Variants in PRKN observed in about 807,000 individuals in gnomAD.
PRKN encodes E3 ubiquitin-protein ligase parkin.
PRKN carries 56 observed loss-of-function variants against 59.5 expected under a neutral mutation model. The observed-to-expected ratio is 0.94, with a 90% CI of 0.76 to 1.18. The LOEUF is 1.18. Ranked by LOEUF, PRKN falls within the 50% of genes most tolerant of loss-of-function variation. The pLI is 0.00. For missense variants in PRKN, 657 were observed against 596.4 expected (o/e 1.10, Z -1.06); for synonymous variants, 250 against 222.1 (o/e 1.13, Z -1.12).
intron 6 of PRKN, among the ~76,000 whole-genome samples, chr6:161,870,053 T>C (rs895272564): frequency 2.0e-5 from 3 of 152,208 alleles, no homozygotes; most frequent in Non-Finnish European, 2.9e-5. Flanking sequence ...CAATCATCTA[T>C]GTATTGAGGG....
intron 9 of PRKN, among the ~76,000 whole-genome samples, chr6:161,418,189 A>G (rs1787937606): frequency 6.6e-6 from 1 of 152,258 alleles, no homozygotes; most frequent in African/African-American, 2.4e-5. Flanking sequence ...AAGTATTAAT[A>G]TGTAATGAGT....
chr6:162,401,362 T>C (rs1787786611), intron 2 of PRKN, among the ~76,000 whole-genome samples: 1 of 152,094 alleles, frequency 6.6e-6, no homozygotes, highest in South Asian at 2.1e-4. Flanking sequence ...CATAAATTCA[T>C]TGTAAGTTGA....
At chr6:162,543,523 A>T (rs1023410687) in intron 1 of PRKN, among the ~76,000 whole-genome samples, 2 of 152,008 alleles carry the variant, frequency 1.3e-5, no homozygotes, top group Admixed American at 6.6e-5. Context: ...CTAAATTTGT[A>T]TAAGTGTGTT....
At chr6:162,531,604 G>A (rs1222484585) in intron 1 of PRKN, among the ~76,000 whole-genome samples, 1 of 151,970 alleles carries the variant, frequency 6.6e-6, no homozygotes, top group Non-Finnish European at 1.5e-5. Context: ...ATCCATCTGG[G>A]TGGGGCCAGC....
intron 2 of PRKN, among the ~76,000 whole-genome samples, chr6:162,390,965 A>G (rs949954844): frequency 1.3e-5 from 2 of 152,190 alleles, no homozygotes; most frequent in African/African-American, 4.8e-5. Context: ...GATAAGGACC[A>G]CAGGCACCTT....
At chr6:161,912,927 A>C (rs1778420293) in intron 6 of PRKN, among the ~76,000 whole-genome samples, 3 of 152,176 alleles carry the variant, frequency 2.0e-5, no homozygotes. Flanking sequence ...CTATAATCCC[A>C]GCAGTTTGGG....
intron 2 of PRKN, among the ~76,000 whole-genome samples, chr6:162,267,006 C>T (rs1780172509): frequency 6.6e-6 from 1 of 152,154 alleles, no homozygotes. Context: ...ATTCCTATAT[C>T]ACCATATAGC....
At chr6:161,585,035 G>T (rs566543585) in intron 7 of PRKN, among the ~76,000 whole-genome samples, 21 of 152,284 alleles carry the variant, frequency 1.4e-4, no homozygotes, top group African/African-American at 3.8e-4. Flanking sequence ...GAACACTTCA[G>T]AATCTGGTTC....
Position 161,347,572 on chromosome 6 carries a change from T to G in PRKN, c.*2527A>C. ...TACACCCTTCCTGTGCAAATAATAC[T>G]GTGATTCATGTTCATGTGTAGTGGA... On this transcript the variant is annotated 3_prime_UTR_variant, in exon 12 of 12. Coordinates refer to ENST00000366898, the MANE Select transcript of PRKN (RefSeq NM_004562.3). The G allele has an allele frequency of 6.6e-6, 1 of 152,046 alleles. No individual in the cohort carries two copies. Among genetic ancestry groups the G allele is most frequent in the South Asian group, 2.1e-4 (1 of 4,814 alleles). 9.4% of individuals were successfully genotyped at this position (152,046 alleles called of 1,614,324 possible). A position where few individuals can be genotyped will look rare whatever the true frequency, so the allele number is the denominator to read the frequency against.
intron 7 of PRKN, among the ~76,000 whole-genome samples, chr6:161,710,434 T>C (rs1419336673): frequency 1.3e-5 from 2 of 152,230 alleles, no homozygotes; most frequent in Non-Finnish European, 2.9e-5. Context: ...GACACCATCA[T>C]AAGTCAAGGA....
intron 1 of PRKN, among the ~76,000 whole-genome samples, chr6:162,451,977 G>A (rs1790649247): frequency 6.6e-6 from 1 of 152,070 alleles, no homozygotes; most frequent in African/African-American, 2.4e-5. Flanking sequence ...CAAGGAACAA[G>A]CTTTGAAAAC....
At chr6:161,713,602 C>T (rs1189012917) in intron 7 of PRKN, among the ~76,000 whole-genome samples, 1 of 152,194 alleles carries the variant, frequency 6.6e-6, no homozygotes, top group East Asian at 1.9e-4. Context: ...GTTCCTATTA[C>T]ACCACAGCTC....
intron 6 of PRKN, among the ~76,000 whole-genome samples, chr6:161,879,306 A>AGGGACAT (rs959320936): frequency 2.0e-5 from 3 of 150,330 alleles, no homozygotes; most frequent in Non-Finnish European, 2.9e-5. Context: ...TGGCCAGGAC[A>AGGGACAT]GGGACATTCT....
At chr6:162,156,396 A>G (rs1782516075) in intron 4 of PRKN, among the ~76,000 whole-genome samples, 3 of 152,196 alleles carry the variant, frequency 2.0e-5, no homozygotes, top group Admixed American at 2.0e-4. Context: ...CAAGGAAGTC[A>G]GTCTGACTCC....
intron 2 of PRKN, chr6:162,270,028 C>T (rs1450549389): frequency 6.6e-6 from 1 of 152,080 alleles, no homozygotes; most frequent in African/African-American, 2.4e-5. Flanking sequence ...GGGTATCTAC[C>T]CAGAGGAAAA....
intron 7 of PRKN, among the ~76,000 whole-genome samples, chr6:161,624,834 T>G (rs1328936858): frequency 6.6e-6 from 1 of 152,256 alleles, no homozygotes; most frequent in Non-Finnish European, 1.5e-5. Context: ...AACATTTTCC[T>G]GAATTACTTT....
rs1785212942 is a variant in PRKN at position 161,366,690 on chromosome 6, GC to G, written c.1168-6486del. Among the ~76,000 whole-genome samples the G allele has an allele frequency of 2.0e-5, 3 of 152,120 alleles. No homozygotes were observed. The South Asian group carries it at 6.2e-4, about 32-fold the overall frequency. On this transcript the variant is annotated intron_variant, in intron 10 of 11. Transcript: ENST00000366898. The stretch of plus-strand genomic sequence containing the variant: ...AGCTGGGTCTTGGCCAATCCCAGCA[GC>G]CATGCTTCAGCCACTCATACACTGC...
At chr6:162,458,286 T>A (rs1469756243) in intron 1 of PRKN, among the ~76,000 whole-genome samples, 1 of 115,530 alleles carries the variant, frequency 8.7e-6, no homozygotes, top group South Asian at 2.6e-4. Flanking sequence ...ATTACCTGGG[T>A]GTGGTGGCAC....
rs538533695 is a variant in PRKN, at chr6:161,626,482, C to T, written c.872-57066G>A. ...ACACACTGATATTTTTTCCTTTCAA[C>T]TGGGTGCTTGCTGACCTCAGAGTCC... On this transcript the variant is annotated intron_variant, in intron 7 of 11. Transcript: ENST00000366898. Among the ~76,000 whole-genome samples, 6 of 152,314 alleles carry T rather than the reference C, an allele frequency of 3.9e-5. No homozygotes were observed. In the South Asian group the frequency reaches 1.0e-3, roughly 26 times the overall value.
Sources: gnomAD v4.1 joint callset for allele counts (sites outside exome capture counted in the v4.1 genomes callset) on GRCh38, gnomAD v4.1.1 for gene constraint, MANE v1.5 for transcripts, NCBI Gene and HGNC (gene_info 2026-07-23, HGNC 2026-07-21) for gene names.